SUGCT: variants seen among roughly 807,000 people sequenced by gnomAD.
The protein encoded by SUGCT is succinyl-CoA:glutarate CoA-transferase.
In SUGCT, 41 loss-of-function variants were observed where a neutral mutation model predicts 55.0. That is an observed-to-expected ratio of 0.74 (90% CI 0.58 to 0.97). The LOEUF (loss-of-function observed/expected upper bound fraction) is 0.97. SUGCT is among the 50% of genes least tolerant of loss of function. The pLI is 0.00. For missense variants in SUGCT, 568 were observed against 547.8 expected (o/e 1.04, Z -0.37); for synonymous variants, 187 against 200.4 (o/e 0.93, Z 0.56).
At chr7:40,352,457 C>A (rs1797682174) in intron 9 of SUGCT, among the ~76,000 whole-genome samples, 1 of 152,056 alleles carries the variant, frequency 6.6e-6, no homozygotes. Flanking sequence ...TCCTCTCCCT[C>A]CTCCTTCCCT....
intron 13 of SUGCT, among the ~76,000 whole-genome samples, chr7:40,837,581 TTTA>T (rs944108163): frequency 2.0e-5 from 3 of 152,058 alleles, no homozygotes; most frequent in African/African-American, 7.2e-5. Flanking sequence ...TTTGAGTTAT[TTTA>T]TTATTATTAT....
At chr7:40,743,240 A>T (rs1448595778) in intron 12 of SUGCT, among the ~76,000 whole-genome samples, 1 of 152,198 alleles carries the variant, frequency 6.6e-6, no homozygotes, top group Non-Finnish European at 1.5e-5. Context: ...GTTCCTAAAA[A>T]TGACTGTATT....
chr7:40,972,162 T>C, the SUGCT span, among the ~76,000 whole-genome samples: 1 of 152,212 alleles, frequency 6.6e-6, no homozygotes, highest in Non-Finnish European at 1.5e-5. Flanking sequence ...TATGTTGTTA[T>C]TTTATTTCCA....
intron 1 of SUGCT, among the ~76,000 whole-genome samples, chr7:40,140,014 T>C (rs7810509): frequency 0.36 from 55,375 of 151,812 alleles, 11,310 homozygotes; most frequent in Middle Eastern, 0.58. Context: ...GCGATTCTCC[T>C]ACCTTATCCT....
At chr7:40,625,748 C>T (rs1037654659) in intron 12 of SUGCT, among the ~76,000 whole-genome samples, 7 of 152,206 alleles carry the variant, frequency 4.6e-5, no homozygotes, top group Middle Eastern at 3.4e-3. Context: ...CACAGTATAG[C>T]GGATTGGCGG....
intron 13 of SUGCT, among the ~76,000 whole-genome samples, chr7:40,819,320 G>A (rs946450616): frequency 7.9e-5 from 12 of 152,226 alleles, no homozygotes; most frequent in African/African-American, 2.4e-4. Context: ...CTAGATCCTT[G>A]AGAAATCACC....
At chr7:40,546,589 A>AT (rs1181255557) in intron 12 of SUGCT, 2 of 152,134 alleles carry the variant, frequency 1.3e-5, no homozygotes, top group South Asian at 2.1e-4. Context: ...GCCTCTAAAT[A>AT]TTTTTTCCTA....
intron 6 of SUGCT, among the ~76,000 whole-genome samples, chr7:40,228,848 AT>A (rs376224945): frequency 3.0e-4 from 45 of 148,468 alleles, no homozygotes; most frequent in East Asian, 2.6e-3. Context: ...AGTGATGGCT[AT>A]TTTTTTTTTG....
chr7:40,325,875 C>A (rs1240349426), intron 9 of SUGCT, among the ~76,000 whole-genome samples: 1 of 147,114 alleles, frequency 6.8e-6, no homozygotes, highest in African/African-American at 2.5e-5. Flanking sequence ...CCAAACTAAG[C>A]TGGATGCATC....
At chr7:40,683,658 T>C (rs17437429) in intron 12 of SUGCT, among the ~76,000 whole-genome samples, 30,727 of 152,176 alleles carry the variant, frequency 0.2, 3,225 homozygotes, top group Non-Finnish European at 0.23. Flanking sequence ...TTGTCAATTA[T>C]GTTGAGAAGA....
chr7:40,890,182 A>G, the SUGCT span, among the ~76,000 whole-genome samples: 1 of 146,248 alleles, frequency 6.8e-6, no homozygotes, highest in Middle Eastern at 3.6e-3. Flanking sequence ...TTTTGAATTT[A>G]TATTATTTAT....
In SUGCT at chr7:40,860,340, T is replaced by C; in HGVS notation, c.1178T>C (p.Phe393Ser). 1 of 1,613,920 alleles carries C rather than the reference T, an allele frequency of 6.2e-7. No homozygotes were observed. The highest frequency in any genetic ancestry group is 8.5e-7 in the Non-Finnish European group (1 of 1,179,850). Residue 393 changes from phenylalanine to serine, a missense_variant, in exon 14 of 14, where the codon TTC becomes TCC. Coordinates refer to ENST00000335693, the MANE Select transcript of SUGCT (RefSeq NM_001193313.2). ...GGCCCAGCTGTGAGATACAGTAAGT[T>C]CAAGATGTCAGAGGCCAGGCCGCCC... is the stretch of plus-strand genomic sequence containing the variant. ...VPGPAVRYSKFKMSEARPPPL... is the reference protein window; with the variant it reads ...VPGPAVRYSKSKMSEARPPPL...
At chr7:40,934,996 T>C in the SUGCT span, among the ~76,000 whole-genome samples, 1 of 152,212 alleles carries the variant, frequency 6.6e-6, no homozygotes, top group Non-Finnish European at 1.5e-5. Context: ...ATCACTTGTC[T>C]TCTGCGTTGA....
chr7:40,198,959 T>TTG (rs1398860332), intron 6 of SUGCT, among the ~76,000 whole-genome samples: 1 of 151,698 alleles, frequency 6.6e-6, no homozygotes, highest in Non-Finnish European at 1.5e-5. Flanking sequence ...TGCCATTGCA[T>TTG]TCCAGCCTGG....
At chr7:40,754,124 G>C (rs1225929378) in intron 13 of SUGCT, among the ~76,000 whole-genome samples, 1 of 152,094 alleles carries the variant, frequency 6.6e-6, no homozygotes, top group Non-Finnish European at 1.5e-5. Flanking sequence ...TAATGCTATT[G>C]TTCTTTATTT....
At position 40,176,588 on chromosome 7, in the gene SUGCT, G is replaced by A. The variant is rs554418361; in HGVS notation, c.101-4359G>A. Among the ~76,000 whole-genome samples, 3 of 151,390 alleles carry A rather than the reference G, an allele frequency of 2.0e-5. No homozygotes were observed. The South Asian group carries it at 6.3e-4, about 32-fold the overall frequency. On this transcript the variant is annotated intron_variant, in intron 1 of 13. Coordinates refer to ENST00000335693, the MANE Select transcript of SUGCT (RefSeq NM_001193313.2). ...GAGATAACAAATTTCAATTCTTTTTGCCTTTTTTTTCTGCCAAATTGCTAA... is the reference window on the plus strand; with the variant it reads ...GAGATAACAAATTTCAATTCTTTTTACCTTTTTTTTCTGCCAAATTGCTAA...
At chr7:40,524,699 G>A (rs1006050513) in intron 12 of SUGCT, among the ~76,000 whole-genome samples, 15 of 152,032 alleles carry the variant, frequency 9.9e-5, no homozygotes, top group African/African-American at 3.6e-4. Context: ...GATTTCTATG[G>A]GATTAGTTCT....
At chr7:40,710,578 G>C (rs1039602104) in intron 12 of SUGCT, among the ~76,000 whole-genome samples, 22 of 152,056 alleles carry the variant, frequency 1.4e-4, no homozygotes, top group African/African-American at 5.1e-4. Context: ...GTGTGTGTCT[G>C]TGTGTGTGCA....
chr7:40,385,266 G>A (rs1290341166), intron 9 of SUGCT, among the ~76,000 whole-genome samples: 1 of 152,126 alleles, frequency 6.6e-6, no homozygotes, highest in African/African-American at 2.4e-5. Flanking sequence ...GTTCATGGTT[G>A]GAGTCAGGGA....
Sources: gnomAD v4.1 joint callset for allele counts (sites outside exome capture counted in the v4.1 genomes callset) on GRCh38, gnomAD v4.1.1 for gene constraint, MANE v1.5 for transcripts, NCBI Gene and HGNC (gene_info 2026-07-23, HGNC 2026-07-21) for gene names.